The following CCDC148 variants were observed in gnomAD, a reference collection of about 807,000 sequenced individuals.
CCDC148 encodes the protein coiled-coil domain-containing protein 148.
A neutral mutation model predicts 85.7 loss-of-function variants in CCDC148; 89 were observed. The observed-to-expected ratio is 1.04, with a 90% CI of 0.87 to 1.24. The LOEUF (loss-of-function observed/expected upper bound fraction) is 1.24. Among genes scored for constraint, CCDC148 ranks in the 50% most tolerant of loss-of-function variants. The pLI is 0.00. For synonymous variants in CCDC148, 230 were observed against 213.9 expected (o/e 1.08, Z -0.66); for missense variants, 692 against 671.7 (o/e 1.03, Z -0.33).
chr2:158,257,907 T>A (rs1238784315), intron 9 of CCDC148, among the ~76,000 whole-genome samples: 1 of 151,842 alleles, frequency 6.6e-6, no homozygotes, highest in Non-Finnish European at 1.5e-5. Context: ...AGGATAAAAT[T>A]TACAAACCTA....
At chr2:158,174,392 C>G (rs2105256238) in intron 13 of CCDC148, among the ~76,000 whole-genome samples, 1 of 152,062 alleles carries the variant, frequency 6.6e-6, no homozygotes, top group South Asian at 2.1e-4. Context: ...ATTCATGACC[C>G]CACCACCACC....
chr2:158,213,605 T>C (rs1233934847), intron 11 of CCDC148, among the ~76,000 whole-genome samples: 2 of 152,052 alleles, frequency 1.3e-5, no homozygotes, highest in Non-Finnish European at 2.9e-5. Context: ...GGAAGAATGG[T>C]CTAATTTCTG....
chr2:158,289,230 C>T (rs1480964280), intron 9 of CCDC148, among the ~76,000 whole-genome samples: 1 of 152,074 alleles, frequency 6.6e-6, no homozygotes, highest in Non-Finnish European at 1.5e-5. Context: ...AAATCAATTA[C>T]ATAAAAATTG....
intron 11 of CCDC148, among the ~76,000 whole-genome samples, chr2:158,182,000 T>TA (rs578109458): frequency 3.7e-4 from 56 of 151,514 alleles, no homozygotes; most frequent in African/African-American, 1.3e-3. Flanking sequence ...ATGTAGAAAA[T>TA]AAAAATCAAC....
At position 158,199,332 on chromosome 2, in the gene CCDC148, C is replaced by T. The variant is rs528161165; in HGVS notation, c.1371-20336G>A. 2.2e-4 allele frequency among the ~76,000 whole-genome samples: 33 copies of T among 152,222 alleles called. No homozygotes were observed. The East Asian group carries it at 5.8e-3, about 27-fold the overall frequency. ...CCATCTCGGCTCACTGCAACCTCCG[C>T]CTCCCAGGTTCAAGTGATTCTCCTG... On this transcript the variant is annotated intron_variant, in intron 11 of 13. Transcript: ENST00000283233.
chr2:158,330,562 G>A (rs1693046069), intron 7 of CCDC148, among the ~76,000 whole-genome samples: 1 of 152,130 alleles, frequency 6.6e-6, no homozygotes, highest in Non-Finnish European at 1.5e-5. Flanking sequence ...TCTATTGATT[G>A]GAATAGGTTC....
At chr2:158,180,834 C>T (rs1247504094) in intron 11 of CCDC148, among the ~76,000 whole-genome samples, 4 of 152,104 alleles carry the variant, frequency 2.6e-5, no homozygotes, top group Non-Finnish European at 5.9e-5. Context: ...ATACAAAACC[C>T]AGAATGAGAT....
intron 1 of CCDC148, among the ~76,000 whole-genome samples, chr2:158,360,660 C>G (rs954210598): frequency 1.3e-5 from 2 of 152,102 alleles, no homozygotes; most frequent in Non-Finnish European, 2.9e-5. Flanking sequence ...CTCGGAAACC[C>G]CAGCCGAAGC....
intron 1 of CCDC148, among the ~76,000 whole-genome samples, chr2:158,375,734 C>T (rs2105283706): frequency 6.6e-6 from 1 of 152,242 alleles, no homozygotes; most frequent in East Asian, 1.9e-4. Flanking sequence ...CTGGGAATTT[C>T]AGGGCAAGAT....
intron 11 of CCDC148, among the ~76,000 whole-genome samples, chr2:158,214,139 A>G (rs1395571861): frequency 1.3e-5 from 2 of 151,806 alleles, no homozygotes; most frequent in Non-Finnish European, 2.9e-5. Context: ...AAAAAAAAAA[A>G]AAAAAGACAA....
chr2:158,317,167 A>G (rs1193838974), intron 7 of CCDC148, among the ~76,000 whole-genome samples: 4 of 152,222 alleles, frequency 2.6e-5, no homozygotes, highest in Admixed American at 2.6e-4. Context: ...AATTTTAAAG[A>G]AAACTTTTAA....
chr2:158,222,766 G>C (rs1330952535), intron 10 of CCDC148, among the ~76,000 whole-genome samples: 2 of 152,086 alleles, frequency 1.3e-5, no homozygotes, highest in Non-Finnish European at 2.9e-5. Flanking sequence ...CCCTCTACCT[G>C]TCGTTATCAT....
intron 3 of CCDC148, among the ~76,000 whole-genome samples, chr2:158,343,678 A>G (rs1005600705): frequency 6.6e-6 from 1 of 152,224 alleles, no homozygotes; most frequent in African/African-American, 2.4e-5. Flanking sequence ...GTTGACAAAC[A>G]CTGTTAGGAC....
intron 1 of CCDC148, among the ~76,000 whole-genome samples, chr2:158,415,562 C>T (rs1686461228): frequency 6.6e-6 from 1 of 152,220 alleles, no homozygotes; most frequent in South Asian, 2.1e-4. Flanking sequence ...TCCGCATTAA[C>T]TCAAAAGTCC....
intron 1 of CCDC148, among the ~76,000 whole-genome samples, chr2:158,399,352 T>C (rs942133561): frequency 1.3e-5 from 2 of 152,064 alleles, no homozygotes; most frequent in Admixed American, 6.5e-5. Context: ...ATATACCTGA[T>C]GAATATCAAT....
chr2:158,424,573 G>C (rs560033055), intron 1 of CCDC148, among the ~76,000 whole-genome samples: 6 of 152,008 alleles, frequency 3.9e-5, no homozygotes, highest in Admixed American at 6.6e-5. Flanking sequence ...GTCATGGGGT[G>C]GGGGGAGTGG....
At chr2:158,173,102 T>TG (rs1419309462) in intron 13 of CCDC148, among the ~76,000 whole-genome samples, 4 of 151,830 alleles carry the variant, frequency 2.6e-5, no homozygotes, top group Non-Finnish European at 4.4e-5. Flanking sequence ...TAGTAAAACA[T>TG]GGGGGTGCAT....
chr2:158,288,021 A>G (rs1376230011), intron 9 of CCDC148, among the ~76,000 whole-genome samples: 1 of 152,220 alleles, frequency 6.6e-6, no homozygotes, highest in African/African-American at 2.4e-5. Context: ...CTTAAACATT[A>G]CATAGAGGCT....
intron 9 of CCDC148, among the ~76,000 whole-genome samples, chr2:158,283,791 A>C (rs551261873): frequency 6.6e-6 from 1 of 151,814 alleles, no homozygotes; most frequent in Non-Finnish European, 1.5e-5. Flanking sequence ...TACCCAAAGG[A>C]CTATAAATCA....
Sources: gnomAD v4.1 joint callset for allele counts (sites outside exome capture counted in the v4.1 genomes callset) on GRCh38, gnomAD v4.1.1 for gene constraint, MANE v1.5 for transcripts, NCBI Gene and HGNC (gene_info 2026-07-23, HGNC 2026-07-21) for gene names.